Variants in RALY observed in about 807,000 individuals in gnomAD.
The protein encoded by RALY is RALY heterogeneous nuclear ribonucleoprotein, also known as RNA-binding protein Raly.
In RALY, 15 loss-of-function variants were observed where a neutral mutation model predicts 30.7. The observed-to-expected ratio is 0.49, with a 90% confidence interval of 0.33 to 0.75. RALY has a LOEUF of 0.75. RALY is among the 30% of genes least tolerant of loss of function. RALY has a pLI of 0.02. For missense variants in RALY, 339 were observed against 414.3 expected (o/e 0.82, Z 1.58); for synonymous variants, 177 against 170.8 (o/e 1.04, Z -0.28).
intron 6 of RALY, 132 bp from the exon 7 acceptor site, chr20:34,076,570 C>G (rs1038506622): frequency 6.6e-6 from 5 of 755,146 alleles, no homozygotes; most frequent in Admixed American, 2.8e-5. Flanking sequence ...AGACCTTTTT[C>G]CTAAGCAGGG....
chr20:34,061,307 C>G (rs1053757395), intron 2 of RALY, among the ~76,000 whole-genome samples: 2 of 152,190 alleles, frequency 1.3e-5, no homozygotes, highest in African/African-American at 4.8e-5. Context: ...CTATCCCCTT[C>G]TCTCTTAAGA....
In RALY at chr20:34,056,025, T is replaced by C. The variant is rs553034524; in HGVS notation, c.-9-16041T>C. ...CAGATGCTCAGAAGCTATAGGGACT[T>C]ACAAGTGCCTCCTTACTGAGCACTG... On this transcript the variant is annotated intron_variant, in intron 2 of 9. Transcript: ENST00000246194. 3.3e-5 allele frequency among the ~76,000 whole-genome samples: 5 copies of C among 152,104 alleles called. No individual in the cohort carries two copies. The South Asian group carries it at 1.0e-3, about 32-fold the overall frequency.
intron 1 of RALY, among the ~76,000 whole-genome samples, chr20:34,001,911 T>C (rs2030934475): frequency 6.6e-6 from 1 of 152,040 alleles, no homozygotes; most frequent in Non-Finnish European, 1.5e-5. Context: ...GGACTGCAGG[T>C]GCCCACCACC....
intron 1 of RALY, among the ~76,000 whole-genome samples, chr20:34,027,584 T>C (rs1568663969): frequency 6.6e-6 from 1 of 152,352 alleles, no homozygotes; most frequent in East Asian, 1.9e-4. Flanking sequence ...ATTAGTAATT[T>C]TTTGTGGGAC....
chr20:34,004,207 A>G (rs1281173608), intron 1 of RALY, among the ~76,000 whole-genome samples: 5 of 152,180 alleles, frequency 3.3e-5, no homozygotes, highest in Admixed American at 3.3e-4. Flanking sequence ...TTCCCAAGGA[A>G]CATTTGTGGA....
chr20:34,012,423 C>T (rs905321519), intron 1 of RALY, among the ~76,000 whole-genome samples: 1 of 152,156 alleles, frequency 6.6e-6, no homozygotes, highest in African/African-American at 2.4e-5. Context: ...TAGATCTATC[C>T]CTCGTTGTGC....
At chr20:34,076,089 C>CA in intron 6 of RALY, 49 bp downstream of exon 6, 26 of 1,565,520 alleles carry the variant, frequency 1.7e-5, no homozygotes, top group Non-Finnish European at 2.2e-5. Flanking sequence ...TTATCATTAG[C>CA]AAAATAATAG....
chr20:34,044,951 C>T (rs149950505), intron 2 of RALY, among the ~76,000 whole-genome samples: 4 of 152,238 alleles, frequency 2.6e-5, no homozygotes, highest in Admixed American at 1.3e-4. Flanking sequence ...TTCACTCTGT[C>T]ACCCAGGCTG....
chr20:34,062,329 T>C (rs1332628817), intron 2 of RALY, among the ~76,000 whole-genome samples: 1 of 152,252 alleles, frequency 6.6e-6, no homozygotes, highest in Non-Finnish European at 1.5e-5. Flanking sequence ...TCATATTTTC[T>C]ACCTAGTTCA....
intron 1 of RALY, among the ~76,000 whole-genome samples, chr20:34,010,917 C>A (rs1303441794): frequency 6.6e-6 from 1 of 151,546 alleles, no homozygotes; most frequent in Non-Finnish European, 1.5e-5. Flanking sequence ...TTCATTATAT[C>A]TCGGCTGAAC....
chr20:33,995,101 G>A lies in RALY; in HGVS notation c.-93+970G>A, dbSNP rs558956905. ...AGCCTTGGGTCACACCATTTAATTA[G>A]GGGCATAACTCTGGGTTTTCCCTGA... is the stretch of plus-strand genomic sequence containing the variant. On this transcript the variant is annotated intron_variant, in intron 1 of 9. Coordinates refer to ENST00000246194, the MANE Select transcript of RALY (RefSeq NM_016732.3). 1.0e-3 allele frequency among the ~76,000 whole-genome samples: 158 copies of A among 152,286 alleles called. 1 individual carries two copies. Among genetic ancestry groups the A allele is most frequent in the Non-Finnish European group, 3.1e-4 (21 of 68,030 alleles).
intron 1 of RALY, among the ~76,000 whole-genome samples, chr20:34,024,969 G>T (rs1321494034): frequency 6.6e-6 from 1 of 152,190 alleles, no homozygotes; most frequent in Non-Finnish European, 1.5e-5. Flanking sequence ...TGAGGCTGAG[G>T]GGTTAGGGGG....
chr20:34,057,361 G>T (rs1030919824), intron 2 of RALY, among the ~76,000 whole-genome samples: 1 of 152,104 alleles, frequency 6.6e-6, no homozygotes, highest in Non-Finnish European at 1.5e-5. Context: ...CAAATTATTG[G>T]TTAAGAATTT....
At chr20:34,044,877 G>A (rs1048014248) in intron 2 of RALY, among the ~76,000 whole-genome samples, 1 of 152,182 alleles carries the variant, frequency 6.6e-6, no homozygotes, top group African/African-American at 2.4e-5. Context: ...CTGGGATACA[G>A]TAATGAACAA....
At chr20:34,070,789 A>G (rs1224510040) in intron 2 of RALY, among the ~76,000 whole-genome samples, 7 of 152,202 alleles carry the variant, frequency 4.6e-5, no homozygotes, top group Admixed American at 4.6e-4. Flanking sequence ...ACCCTTAGCC[A>G]CAGCGAGTGC....
intron 2 of RALY, among the ~76,000 whole-genome samples, chr20:34,062,722 G>A (rs2033453866): frequency 1.3e-5 from 2 of 152,202 alleles, no homozygotes; most frequent in South Asian, 4.1e-4. Flanking sequence ...TGGGAAAGAG[G>A]CTCATAAGTC....
rs183042710 is a variant in RALY, at chr20:34,048,131, G to A, written c.-10+16527G>A. Among the ~76,000 whole-genome samples the A allele has an allele frequency of 8.5e-5, 13 of 152,272 alleles. No homozygotes were observed. The East Asian group carries it at 2.5e-3, about 29-fold the overall frequency. The stretch of plus-strand genomic sequence containing the variant: ...TCTGTTCCCAATAAATTGGTCCTTG[G>A]GGATCCTAGCTTTGAAATTCTAATT... On this transcript the variant is annotated intron_variant, in intron 2 of 9. Transcript: ENST00000246194.
intron 2 of RALY, among the ~76,000 whole-genome samples, chr20:34,035,987 G>A (rs1274558641): frequency 2.0e-5 from 3 of 152,214 alleles, no homozygotes; most frequent in Admixed American, 1.3e-4. Flanking sequence ...GGAGGCCAGT[G>A]TGGCTACAGA....
chr20:34,059,843 T>C (rs563622536), intron 2 of RALY, among the ~76,000 whole-genome samples: 2 of 152,202 alleles, frequency 1.3e-5, no homozygotes, highest in East Asian at 1.9e-4. Flanking sequence ...TCTTGAAATA[T>C]CAGCCCTTGG....
Sources: gnomAD v4.1 joint callset for allele counts (sites outside exome capture counted in the v4.1 genomes callset) on GRCh38, gnomAD v4.1.1 for gene constraint, MANE v1.5 for transcripts, NCBI Gene and HGNC (gene_info 2026-07-23, HGNC 2026-07-21) for gene names.